The following DLG4 variants were observed in gnomAD, a reference collection of about 807,000 sequenced individuals.
The protein encoded by DLG4 is disks large homolog 4.
DLG4 carries 7 observed loss-of-function variants against 93.8 expected under a neutral mutation model. That is an observed-to-expected ratio of 0.07 (90% CI 0.04 to 0.14). The LOEUF (loss-of-function observed/expected upper bound fraction) is 0.14. Among genes scored for constraint, DLG4 ranks in the 10% least tolerant of loss-of-function variants. The pLI is 1.00. For synonymous variants in DLG4, 341 were observed against 387.6 expected (o/e 0.88, Z 1.41); for missense variants, 545 against 992.9 (o/e 0.55, Z 6.06).
In DLG4 at chr17:7,188,558, A is replaced by G. The variant is rs527928373; in HGVS notation, c.*2150T>C. Among the ~76,000 whole-genome samples, 12 of 152,280 alleles carry G rather than the reference A, an allele frequency of 7.9e-5. No individual in the cohort carries two copies. The highest frequency in any genetic ancestry group is 2.1e-4 in the South Asian group (1 of 4,824). On this transcript the variant is annotated 3_prime_UTR_variant, in exon 20 of 20. Transcript: ENST00000399506. Reference sequence around the variant, plus strand: ...AGAAGGCTGAGAGTCACCATTCTACATAGCAGGATCTCAGGAGCTTCAGTT... The same window carrying G: ...AGAAGGCTGAGAGTCACCATTCTACGTAGCAGGATCTCAGGAGCTTCAGTT...
In DLG4 at chr17:7,217,513, G is replaced by T. The variant is rs1203533525; in HGVS notation, c.-366C>A. ...TTCGGGGAGCCCCGGGGTAGGGGGG[G>T]GTCTTGCCAAACGGCCAGGGGCTAG... On this transcript the variant is annotated 5_prime_UTR_variant, in exon 1 of 20. Coordinates refer to ENST00000399506, the MANE Select transcript of DLG4 (RefSeq NM_001321075.3). 1.6e-5 allele frequency: 4 copies of T among 256,870 alleles called. No individual in the cohort carries two copies. Among genetic ancestry groups the T allele is most frequent in the Non-Finnish European group, 2.2e-5 (4 of 180,152 alleles). The allele number at this position is 256,870 out of a possible 1,614,324, so 15.9% of individuals were successfully genotyped here. A position where few individuals can be genotyped will look rare whatever the true frequency, so the allele number is the denominator to read the frequency against.
In DLG4 at chr17:7,196,409, T is replaced by C. The variant is rs2069785980; in HGVS notation, c.1186+64A>G. 6.8e-6 allele frequency: 11 copies of C among 1,608,636 alleles called. No homozygotes were observed. Among genetic ancestry groups the C allele is most frequent in the South Asian group, 1.1e-5 (1 of 90,974 alleles). On this transcript the variant is annotated intron_variant, in intron 10 of 19. Coordinates refer to ENST00000399506, the MANE Select transcript of DLG4 (RefSeq NM_001321075.3). The surrounding 1 kb of genome is among the most constrained non-coding windows in gnomAD (Gnocchi z 8.3). ...CCCCTGTCCTCCCCTACTGAAGCCATCAGCTGAGGAAGAGTTCTAAGGGCC... is the reference window on the plus strand; with the variant it reads ...CCCCTGTCCTCCCCTACTGAAGCCACCAGCTGAGGAAGAGTTCTAAGGGCC...
intron 1 of DLG4, among the ~76,000 whole-genome samples, chr17:7,213,077 T>TC (rs2070769576): frequency 7.6e-6 from 1 of 131,304 alleles, no homozygotes; most frequent in African/African-American, 3.1e-5. Flanking sequence ...CTTTTCCTTT[T>TC]CTTTTCTTTC....
rs1456243655 is a variant in DLG4, at chr17:7,193,673, T to C, written c.1585A>G (p.Met529Val). The change falls in exon 15 of 20, where the codon ATG (methionine) becomes GTG (valine). Residue 529 changes from methionine (M) to valine (V), a missense_variant. Transcript: ENST00000399506. The surrounding 1 kb of genome is among the most constrained non-coding windows in gnomAD (Gnocchi z 6.7). ...SVLSYETVTQ[M>V]EVHYARPIII... is the part of the protein sequence containing the mutation. ...GGCAGGGGCCAGGGCTCACCTTCCATCTGCGTCACTGTCTCGTAGCTCAGA... is the reference window on the plus strand; with the variant it reads ...GGCAGGGGCCAGGGCTCACCTTCCACCTGCGTCACTGTCTCGTAGCTCAGA... The C allele has an allele frequency of 6.4e-7, 1 of 1,550,574 alleles. No individual in the cohort carries two copies. The highest frequency in any genetic ancestry group is 1.4e-5 in the African/African-American group (1 of 72,974).
In DLG4 at chr17:7,190,810, G is replaced by C; in HGVS notation, c.2073C>G (p.Ile691Met). 6.2e-7 allele frequency: 1 copy of C among 1,612,724 alleles called. No homozygotes were observed. Among genetic ancestry groups the C allele is most frequent in the Non-Finnish European group, 8.5e-7 (1 of 1,179,358 alleles). ...TCTCCTCAAAGCTGTCACCCTCCAC[G>C]ATGGCTGGGAGTGGGGTGGAGCAGG... ...EQEFTECFSAIVEGDSFEEIY... is the reference protein window; with the variant it reads ...EQEFTECFSAMVEGDSFEEIY... Residue 691 changes from isoleucine (I) to methionine (M), a missense_variant, in exon 20 of 20, where the codon ATC becomes ATG. Physicochemically the swap from Ile to Met is conservative, Grantham distance 10. This residue lies in a region of DLG4 where 428 missense variants were observed against 741.4 expected (regional missense o/e 0.58). Transcript: ENST00000399506.
rs577538356 is a variant in DLG4 at position 7,188,778 on chromosome 17, C to G, written c.*1930G>C. ...GCATTTAGATTCTTATTTTCCTACC[C>G]TCATTATTTACAAAGCTGCCTCAGA... On this transcript the variant is annotated 3_prime_UTR_variant, in exon 20 of 20. Transcript: ENST00000399506. Among the ~76,000 whole-genome samples, 1 of 152,148 alleles carries G rather than the reference C, an allele frequency of 6.6e-6. No homozygotes were observed. The highest frequency in any genetic ancestry group is 1.9e-4 in the East Asian group (1 of 5,180).
At chr17:7,213,105 T>A (rs1490568265) in intron 1 of DLG4, among the ~76,000 whole-genome samples, 1 of 147,040 alleles carries the variant, frequency 6.8e-6, no homozygotes, top group Non-Finnish European at 1.5e-5. Flanking sequence ...CTTTTTTTTT[T>A]TTTTTTTTTT....
chr17:7,198,847 C>CA (rs34843480), intron 8 of DLG4, among the ~76,000 whole-genome samples: 105 of 90,384 alleles, frequency 1.2e-3, no homozygotes, highest in South Asian at 4.8e-3. Context: ...GACTCCATCT[C>CA]AAAAAAAAAA....
intron 8 of DLG4, among the ~76,000 whole-genome samples, chr17:7,199,060 T>C (rs1708926072): frequency 6.6e-6 from 1 of 151,982 alleles, no homozygotes; most frequent in Admixed American, 6.6e-5. Flanking sequence ...AACAGCCCTA[T>C]GTCAACCTGT....
At position 7,203,869 on chromosome 17, in the gene DLG4, A is replaced by T; in HGVS notation, c.211-53T>A. 1.9e-6 allele frequency: 3 copies of T among 1,606,128 alleles called. No individual in the cohort carries two copies. The highest frequency in any genetic ancestry group is 2.6e-6 in the Non-Finnish European group (3 of 1,176,184). ...CTCCCCTCACTGCCCAAGTCTGGCAAGGCAAGTGGGGTGGGAAATGGCTTG... is the reference window on the plus strand; with the variant it reads ...CTCCCCTCACTGCCCAAGTCTGGCATGGCAAGTGGGGTGGGAAATGGCTTG... On this transcript the variant is annotated intron_variant, in intron 4 of 19. Transcript: ENST00000399506. This position sits in a 1 kb window ranked among gnomAD's most constrained non-coding sequence, Gnocchi z 7.2.
chr17:7,188,306 A>T lies in DLG4; in HGVS notation c.*2402T>A, dbSNP rs1462828997. The stretch of plus-strand genomic sequence containing the variant: ...TACTTTAGGCTTGGACGGCCATGCC[A>T]TCCACAGAATCACTACCCCTGGGTT... On this transcript the variant is annotated 3_prime_UTR_variant, in exon 20 of 20. Coordinates refer to ENST00000399506, the MANE Select transcript of DLG4 (RefSeq NM_001321075.3). Among the ~76,000 whole-genome samples the T allele has an allele frequency of 6.6e-6, 1 of 152,176 alleles. No homozygotes were observed. The highest frequency in any genetic ancestry group is 1.5e-5 in the Non-Finnish European group (1 of 68,036).
chr17:7,194,507 G>A lies in DLG4; in HGVS notation c.1302-12C>T, dbSNP rs1296706763. The stretch of plus-strand genomic sequence containing the variant: ...AATCAAACAGGGCCCTGGAGGGCAA[G>A]TGGCTATCGGTCAGAGCCCAGCTGA... On this transcript the variant is annotated splice_polypyrimidine_tract_variant and intron_variant, in intron 11 of 19. Transcript: ENST00000399506. This position sits in a 1 kb window ranked among gnomAD's most constrained non-coding sequence, Gnocchi z 4.4. 2 of 1,594,348 alleles carry A rather than the reference G, an allele frequency of 1.3e-6. No individual in the cohort carries two copies. The highest frequency in any genetic ancestry group is 3.5e-5 in the Admixed American group (2 of 56,970).
In DLG4 at chr17:7,217,614, G is replaced by T. The variant is rs2142945539; in HGVS notation, c.-467C>A. ...GGGAGCCGTGGAGCCGAAGAGGGAA[G>T]GGGAGAGAGGAGGAGAGAGGAAGCA... On this transcript the variant is annotated 5_prime_UTR_variant, in exon 1 of 20. Coordinates refer to ENST00000399506, the MANE Select transcript of DLG4 (RefSeq NM_001321075.3). 7 of 1,440,768 alleles carry T rather than the reference G, an allele frequency of 4.9e-6. No homozygotes were observed. In the East Asian group the frequency reaches 1.3e-4, roughly 27 times the overall value. The allele number at this position is 1,440,768 out of a possible 1,614,324, so 89.2% of individuals were successfully genotyped here. A position where few individuals can be genotyped will look rare whatever the true frequency, so the allele number is the denominator to read the frequency against.
rs2070581659 is a variant in DLG4, at chr17:7,208,463, G to A, written c.31-224C>T. On this transcript the variant is annotated intron_variant, in intron 1 of 19. Coordinates refer to ENST00000399506, the MANE Select transcript of DLG4 (RefSeq NM_001321075.3). This position sits in a 1 kb window ranked among gnomAD's most constrained non-coding sequence, Gnocchi z 5.4. Reference sequence around the variant, plus strand: ...CCTCAGCACCTCTCATCAATCCCCAGGTCCCAATCCCATCCCCCAACTCCT... The same window carrying A: ...CCTCAGCACCTCTCATCAATCCCCAAGTCCCAATCCCATCCCCCAACTCCT... Among the ~76,000 whole-genome samples the A allele has an allele frequency of 1.3e-5, 2 of 151,778 alleles. No individual in the cohort carries two copies. Among genetic ancestry groups the A allele is most frequent in the Non-Finnish European group, 2.9e-5 (2 of 67,944 alleles).
intron 2 of DLG4, chr17:7,207,972 C>T (rs2070552250): frequency 1.2e-6 from 1 of 838,528 alleles, no homozygotes; most frequent in Non-Finnish European, 1.5e-6. Flanking sequence ...GTCCCAGCAT[C>T]CCCCTCCCCA....
At position 7,203,939 on chromosome 17, in the gene DLG4, A is replaced by C. The variant is rs1305308784; in HGVS notation, c.210+69T>G. On this transcript the variant is annotated intron_variant, in intron 4 of 19. Transcript: ENST00000399506. This position sits in a 1 kb window ranked among gnomAD's most constrained non-coding sequence, Gnocchi z 7.2. ...GCACAGGGTGAGGGGCTAGCCACCC[A>C]GACCACATGGCAGAAAGAAAGGTAC... is the stretch of plus-strand genomic sequence containing the variant. The C allele has an allele frequency of 3.8e-6, 6 of 1,590,692 alleles. No individual in the cohort carries two copies. The highest frequency in any genetic ancestry group is 3.4e-6 in the Non-Finnish European group (4 of 1,168,232).
In DLG4 at chr17:7,193,879, G is replaced by T. The variant is rs114042970; in HGVS notation, c.1516-8C>A. 2.1e-4 allele frequency: 333 copies of T among 1,612,376 alleles called. No individual in the cohort carries two copies. The African/African-American group carries it at 3.8e-3, about 19-fold the overall frequency. On this transcript the variant is annotated splice_polypyrimidine_tract_variant and splice_region_variant and intron_variant, in intron 13 of 19. Transcript: ENST00000399506. The surrounding 1 kb of genome is among the most constrained non-coding windows in gnomAD (Gnocchi z 6.7). Reference sequence around the variant, plus strand: ...AGAGCTGGAGCCCCAGTCCTAAGAAGAAAAAGCAGGCCACGGGGTTAGTTA... The same window carrying T: ...AGAGCTGGAGCCCCAGTCCTAAGAATAAAAAGCAGGCCACGGGGTTAGTTA...
upstream of DLG4, chr17:7,219,098 G>A (rs1391124911): frequency 3.5e-6 from 2 of 566,020 alleles, no homozygotes; most frequent in Admixed American, 3.2e-5. Flanking sequence ...CCTCACAGAG[G>A]GCTCCAGCAG....
At chr17:7,201,300 C>T (rs2070120758) in intron 8 of DLG4, among the ~76,000 whole-genome samples, 1 of 152,190 alleles carries the variant, frequency 6.6e-6, no homozygotes, top group African/African-American at 2.4e-5. Context: ...TTCTCCTTGT[C>T]TTGTTACACT....
Sources: allele counts gnomAD v4.1 joint callset (sites outside exome capture counted in the v4.1 genomes callset), GRCh38; gene constraint gnomAD v4.1.1; regional missense constraint gnomAD v4.1.1; non-coding constraint Gnocchi (gnomAD v3.1); transcripts MANE v1.5; gene names NCBI Gene and HGNC (gene_info 2026-07-23, HGNC 2026-07-21).